REV1: variants seen among roughly 807,000 people sequenced by gnomAD.
The protein encoded by REV1 is translesion synthesis protein REV1.
A neutral mutation model predicts 137.4 loss-of-function variants in REV1; 42 were observed. That is an observed-to-expected ratio of 0.31 (90% CI 0.24 to 0.40). The LOEUF (loss-of-function observed/expected upper bound fraction) is 0.40, where lower values mean the gene tolerates loss of function less well. Ranked by LOEUF, REV1 falls within the 10% of genes least tolerant of loss-of-function variation. REV1 has a pLI of 1.00. For synonymous variants in REV1, 524 were observed against 519.2 expected, an observed-to-expected ratio of 1.01 and a Z score of -0.12; for missense variants, 1,282 against 1,490.1, an observed-to-expected ratio of 0.86 and a Z score of 2.30.
chr2:99,475,141 C>T (rs1685830127), intron 1 of REV1, among the ~76,000 whole-genome samples: 1 of 152,176 alleles, frequency 6.6e-6, no homozygotes, highest in South Asian at 2.1e-4. Context: ...CACTCGCCAG[C>T]AGTTTTGCCA....
At chr2:99,420,812 G>A (rs1678558803) in intron 11 of REV1, among the ~76,000 whole-genome samples, 1 of 152,162 alleles carries the variant, frequency 6.6e-6, no homozygotes, top group Non-Finnish European at 1.5e-5. Context: ...CCAAGCCTGT[G>A]GTATACTGAG....
intron 12 of REV1, among the ~76,000 whole-genome samples, chr2:99,415,330 G>A (rs1335013636): frequency 6.6e-6 from 1 of 152,212 alleles, no homozygotes; most frequent in Non-Finnish European, 1.5e-5. Context: ...TCAACGAAGA[G>A]AGAGTCAAGG....
chr2:99,470,868 G>A (rs1685333979), intron 1 of REV1, among the ~76,000 whole-genome samples: 2 of 152,184 alleles, frequency 1.3e-5, no homozygotes, highest in Non-Finnish European at 2.9e-5. Flanking sequence ...CCTTTCTGCA[G>A]AAAGTATAAA....
intron 1 of REV1, among the ~76,000 whole-genome samples, chr2:99,465,763 T>C (rs1684723380): frequency 6.6e-6 from 1 of 152,360 alleles, no homozygotes; most frequent in African/African-American, 2.4e-5. Flanking sequence ...TCTATTAAGA[T>C]AATTTTCTTC....
chr2:99,454,550 CAAAAAAAAAAAAAAAAAAAA>C (rs373850478), intron 3 of REV1, among the ~76,000 whole-genome samples: 14 of 82,368 alleles, frequency 1.7e-4, no homozygotes, highest in South Asian at 6.1e-4. Context: ...AACTCCAGCT[CAAAAAAAAAAAAAAAAAAAA>C]AAAAAAAAAA....
intron 1 of REV1, among the ~76,000 whole-genome samples, chr2:99,477,240 T>C (rs748033793): frequency 6.6e-6 from 1 of 152,210 alleles, no homozygotes; most frequent in Non-Finnish European, 1.5e-5. Flanking sequence ...GGGGTGGCCA[T>C]GTGACTAAGT....
At position 99,449,364 on chromosome 2, in the gene REV1, CT is replaced by C; in HGVS notation, c.321del (p.Val108Ter). The C allele has an allele frequency of 7.1e-6, 11 of 1,554,358 alleles. No individual in the cohort carries two copies. Among genetic ancestry groups the C allele is most frequent in the East Asian group, 4.8e-5 (2 of 41,810 alleles). Reference sequence around the variant, plus strand: ...TCCACAATCCATTCTGGTCGAATTACTTTTTCCCCCTTTAATTCTTTAATTT... The same window carrying C: ...TCCACAATCCATTCTGGTCGAATTACTTTTCCCCCTTTAATTCTTTAATTT... ...NAKIKELKGE[K>X]VIRPEWIVES... On this transcript the variant is annotated frameshift_variant, in exon 4 of 23. Transcript: ENST00000258428. LOFTEE classifies it high-confidence loss of function.
At chr2:99,420,711 G>C (rs1384868511) in intron 11 of REV1, among the ~76,000 whole-genome samples, 1 of 152,202 alleles carries the variant, frequency 6.6e-6, no homozygotes. Context: ...AAGGAGACAG[G>C]GAACTTTGGA....
intron 9 of REV1, chr2:99,424,680 A>G: frequency 8.9e-7 from 1 of 1,124,794 alleles, no homozygotes; most frequent in Non-Finnish European, 1.2e-6. Context: ...CAGTTTGGCC[A>G]GGGTTCATCC....
intron 3 of REV1, among the ~76,000 whole-genome samples, 180 bp downstream of exon 3, chr2:99,462,316 A>G (rs1684309165): frequency 6.6e-6 from 1 of 152,258 alleles, no homozygotes; most frequent in African/African-American, 2.4e-5. Context: ...AAAGTTAAAG[A>G]CAATGGCAGG....
chr2:99,439,173 C>T lies in REV1; in HGVS notation c.641G>A (p.Gly214Glu), dbSNP rs752114444. Residue 214 changes from glycine to glutamate, a missense_variant, in exon 6 of 23, where the codon GGA becomes GAA. Coordinates refer to ENST00000258428, the MANE Select transcript of REV1 (RefSeq NM_016316.4). ...AGTGCTCCCTCTGGGATGCGGAATT[C>T]CATTCTGTTTCCTTCCCGGAGAGGT... ...EQTSPGRKQN[G>E]IPHPRGSTAI... 1 of 1,614,138 alleles carries T rather than the reference C, an allele frequency of 6.2e-7. No individual in the cohort carries two copies. Among genetic ancestry groups the T allele is most frequent in the Admixed American group, 1.7e-5 (1 of 60,004 alleles).
chr2:99,406,032 G>A lies in REV1; in HGVS notation c.2689C>T (p.His897Tyr). 1 of 1,614,090 alleles carries A rather than the reference G, an allele frequency of 6.2e-7. No individual in the cohort carries two copies. Among genetic ancestry groups the A allele is most frequent in the Non-Finnish European group, 8.5e-7 (1 of 1,179,982 alleles). ...TCTFLPPFPA[H>Y]LPTSPDTNKA... is the part of the protein sequence containing the mutation. Reference sequence around the variant, plus strand: ...TTAGTATCAGGACTGGTCGGCAGATGTGCAGGAAAAGGTGGCAAGAAAGTG... The same window carrying A: ...TTAGTATCAGGACTGGTCGGCAGATATGCAGGAAAAGGTGGCAAGAAAGTG... The change falls in exon 17 of 23, where the codon CAT (histidine) becomes TAT (tyrosine). Residue 897 changes from histidine (H) to tyrosine (Y), a missense_variant. Transcript: ENST00000258428.
At chr2:99,449,689 T>C (rs920115432) in intron 3 of REV1, among the ~76,000 whole-genome samples, 185 bp from the exon 4 acceptor site, 14 of 151,938 alleles carry the variant, frequency 9.2e-5, no homozygotes, top group Non-Finnish European at 1.9e-4. Context: ...TTTTAGTACA[T>C]CCCCCTTCCC....
At chr2:99,402,551 G>A in intron 21 of REV1, 93 bp downstream of exon 21, 4 of 1,246,600 alleles carry the variant, frequency 3.2e-6, no homozygotes, top group Non-Finnish European at 4.5e-6. Flanking sequence ...TTAGAGAAAT[G>A]GGTTAAATCT....
intron 17 of REV1, chr2:99,405,206 T>C (rs1043445365): frequency 7.0e-5 from 11 of 158,186 alleles, no homozygotes; most frequent in African/African-American, 2.4e-4. Context: ...CAGAATCCAC[T>C]GTTCCTTTGG....
At chr2:99,456,715 T>C (rs569192958) in intron 3 of REV1, among the ~76,000 whole-genome samples, 1 of 152,362 alleles carries the variant, frequency 6.6e-6, no homozygotes, top group African/African-American at 2.4e-5. Context: ...ATGAATTATA[T>C]ATCTCTCTAT....
At chr2:99,434,209 C>A (rs1267952400) in intron 8 of REV1, 123 bp downstream of exon 8, 6 of 530,142 alleles carry the variant, frequency 1.1e-5, no homozygotes, top group African/African-American at 7.8e-5. Context: ...ATCCTTAAAA[C>A]CCCTGAATGA....
intron 7 of REV1, among the ~76,000 whole-genome samples, chr2:99,434,834 A>G (rs1680537672): frequency 8.4e-6 from 1 of 119,450 alleles, no homozygotes; most frequent in Non-Finnish European, 1.7e-5. Flanking sequence ...GTTAACATCT[A>G]TACTTATCTC....
chr2:99,439,326 A>G lies in REV1; in HGVS notation c.504-16T>C. On this transcript the variant is annotated splice_polypyrimidine_tract_variant and intron_variant, in intron 5 of 22. Transcript: ENST00000258428. ...GATGTGATTTCTAAAGCAGGAAAAAATTTTTGAGTTAATAATATCTGACTT... is the reference window on the plus strand; with the variant it reads ...GATGTGATTTCTAAAGCAGGAAAAAGTTTTTGAGTTAATAATATCTGACTT... 20 of 1,570,792 alleles carry G rather than the reference A, an allele frequency of 1.3e-5. No individual in the cohort carries two copies. The highest frequency in any genetic ancestry group is 1.7e-5 in the Non-Finnish European group (20 of 1,151,382).
Sources: allele counts gnomAD v4.1 joint callset (sites outside exome capture counted in the v4.1 genomes callset), GRCh38; gene constraint gnomAD v4.1.1; transcripts MANE v1.5; gene names NCBI Gene and HGNC (gene_info 2026-07-23, HGNC 2026-07-21).